The following KRT38 variants were observed in gnomAD, a reference collection of about 807,000 sequenced individuals.
KRT38 encodes the protein keratin 38.
Under a neutral mutation model 43.1 loss-of-function variants are expected in KRT38, and 45 were observed. The observed-to-expected ratio is 1.04, with a 90% CI of 0.82 to 1.34. The LOEUF (loss-of-function observed/expected upper bound fraction) is 1.34. Among genes scored for constraint, KRT38 ranks in the 40% most tolerant of loss-of-function variants. The probability of loss-of-function intolerance (pLI) is 0.00; values close to 1 mark genes in which losing one functional copy is unlikely to be tolerated. For missense variants in KRT38, 627 were observed against 586.2 expected, an observed-to-expected ratio of 1.07 and a Z score of -0.72; for synonymous variants, 258 against 244.0, an observed-to-expected ratio of 1.06 and a Z score of -0.53.
chr17:41,437,392 C>T lies in KRT38; in HGVS notation c.*20G>A. Reference sequence around the variant, plus strand: ...TTGGGTATCCCTCGCCTTAGCCAGCCCCTGTGGGTCCACAGGAATTCAGAA... The same window carrying T: ...TTGGGTATCCCTCGCCTTAGCCAGCTCCTGTGGGTCCACAGGAATTCAGAA... On this transcript the variant is annotated 3_prime_UTR_variant, in exon 7 of 7. Coordinates refer to ENST00000246646, the MANE Select transcript of KRT38 (RefSeq NM_006771.4). 1 of 1,531,992 alleles carries T rather than the reference C, an allele frequency of 6.5e-7. No homozygotes were observed. The highest frequency in any genetic ancestry group is 8.7e-7 in the Non-Finnish European group (1 of 1,146,140). 94.9% of individuals were successfully genotyped at this position (1,531,992 alleles called of 1,614,324 possible).
rs1344468564 is a variant in KRT38, at chr17:41,440,214, C to G, written c.522G>C (p.Arg174Ser). The change falls in exon 2 of 7, where the codon AGG becomes AGC. Residue 174 changes from arginine (R) to serine (S), a missense_variant. Coordinates refer to ENST00000246646, the MANE Select transcript of KRT38 (RefSeq NM_006771.4). ...KILCSKAENA[R>S]LIVQIDNAKL... ...TGGCATTGTCAATTTGTACAATCAGCCTGGCATTCTCGGCCTTGCTGCACA... is the reference window on the plus strand; with the variant it reads ...TGGCATTGTCAATTTGTACAATCAGGCTGGCATTCTCGGCCTTGCTGCACA... 1 of 1,614,208 alleles carries G rather than the reference C, an allele frequency of 6.2e-7. No homozygotes were observed. Among genetic ancestry groups the G allele is most frequent in the Non-Finnish European group, 8.5e-7 (1 of 1,180,040 alleles).
intron 6 of KRT38, 36 bp from the exon 7 acceptor site, chr17:41,437,577 G>A (rs1481695063): frequency 1.3e-6 from 2 of 1,540,458 alleles, no homozygotes; most frequent in Non-Finnish European, 1.7e-6. Context: ...TGAGAGGCAA[G>A]AAATGAATGG....
chr17:41,438,446 A>G (rs2018755465), intron 5 of KRT38, 45 bp downstream of exon 5: 6 of 1,613,888 alleles, frequency 3.7e-6, no homozygotes, highest in Non-Finnish European at 4.2e-6. Context: ...CTACTAGGCC[A>G]TGGCACGGGG....
chr17:41,439,323 C>T lies in KRT38; in HGVS notation c.612G>A (p.Glu204=). 6.2e-7 allele frequency: 1 copy of T among 1,614,190 alleles called. No homozygotes were observed. The highest frequency in any genetic ancestry group is 8.5e-7 in the Non-Finnish European group (1 of 1,180,034). The change falls in exon 3 of 7, where the codon GAG becomes GAA. Residue 204 remains glutamate, a synonymous_variant. Transcript: ENST00000246646. ...GCTTCTGTGTCCCACACTTGTCTGC[C>T]TCCACCAGCTGGCGCAGGGAGCGCT... The part of the protein sequence containing the change: ...ESERSLRQLV[E]ADKCGTQKLL...
chr17:41,440,714 G>A lies in KRT38; in HGVS notation c.208C>T (p.Pro70Ser), dbSNP rs751992904. Residue 70 changes from proline to serine, a missense_variant, in exon 1 of 7, where the codon CCG becomes TCG. Pro to Ser is a moderately conservative substitution (Grantham distance 74, BLOSUM62 -1). Coordinates refer to ENST00000246646, the MANE Select transcript of KRT38 (RefSeq NM_006771.4). The stretch of plus-strand genomic sequence containing the variant: ...GGACAAGCAGTGTGGCAGGTAGGCG[G>A]CAGACAGAGGCTGGGGCGGCCCAGG... Reference protein sequence around the residue: ...TPLGRPSLCLPPTCHTACPLP... With the variant: ...TPLGRPSLCLSPTCHTACPLP... 4.3e-6 allele frequency: 7 copies of A among 1,614,094 alleles called. No homozygotes were observed. The highest frequency in any genetic ancestry group is 3.3e-5 in the South Asian group (3 of 91,092).
intron 5 of KRT38, 30 bp downstream of exon 5, chr17:41,438,461 T>C (rs760172096): frequency 6.2e-7 from 1 of 1,614,170 alleles, no homozygotes. Context: ...ACGGGGCATT[T>C]GCAGTGCAGT....
chr17:41,437,608 G>T, intron 6 of KRT38, 67 bp from the exon 7 acceptor site: 1 of 1,487,994 alleles, frequency 6.7e-7, no homozygotes, highest in Non-Finnish European at 8.9e-7. Flanking sequence ...CCATGTGGGG[G>T]CATGAGGAAG....
rs1597731221 is a variant in KRT38, at chr17:41,436,531, A to T, written c.*881T>A. ...GGAAGGTAGAGAGTATGAAGAGAAG[A>T]GGTGGAAGCACATCATACTTAGCAA... On this transcript the variant is annotated 3_prime_UTR_variant, in exon 7 of 7. Transcript: ENST00000246646. 1 of 152,330 alleles carries T rather than the reference A, an allele frequency of 6.6e-6. No individual in the cohort carries two copies. The highest frequency in any genetic ancestry group is 1.9e-4 in the East Asian group (1 of 5,178). 9.4% of individuals were successfully genotyped at this position (152,330 alleles called of 1,614,324 possible).
rs2018730456 is a variant in KRT38, at chr17:41,436,795, A to G, written c.*617T>C. The G allele has an allele frequency of 6.6e-6, 1 of 152,230 alleles. No homozygotes were observed. Among genetic ancestry groups the G allele is most frequent in the African/African-American group, 2.4e-5 (1 of 41,474 alleles). 9.4% of individuals were successfully genotyped at this position (152,230 alleles called of 1,614,324 possible). A position where few individuals can be genotyped will look rare whatever the true frequency, so the allele number is the denominator to read the frequency against. On this transcript the variant is annotated 3_prime_UTR_variant, in exon 7 of 7. Coordinates refer to ENST00000246646, the MANE Select transcript of KRT38 (RefSeq NM_006771.4). ...GTAAGAGGCTGTGTTGCCACAGAAAAGGCAAGCCTGGTCCTTTGTCAAAGC... is the reference window on the plus strand; with the variant it reads ...GTAAGAGGCTGTGTTGCCACAGAAAGGGCAAGCCTGGTCCTTTGTCAAAGC...
In KRT38 at chr17:41,436,233, C is replaced by G. The variant is rs191085560; in HGVS notation, c.*1179G>C. Among the ~76,000 whole-genome samples the G allele has an allele frequency of 2.6e-5, 4 of 152,086 alleles. No individual in the cohort carries two copies. Among genetic ancestry groups the G allele is most frequent in the Non-Finnish European group, 4.4e-5 (3 of 68,018 alleles). On this transcript the variant is annotated 3_prime_UTR_variant, in exon 7 of 7. Transcript: ENST00000246646. ...TAGGCTCTGGGGATGCAGCAATGAACAATTGTTAATCTTGGGTAAGCATTT... is the reference window on the plus strand; with the variant it reads ...TAGGCTCTGGGGATGCAGCAATGAAGAATTGTTAATCTTGGGTAAGCATTT...
rs1321551512 is a variant in KRT38 at position 41,438,131 on chromosome 17, A to G, written c.1203T>C (p.Ile401=). ...TTTCCAGAAGGTTCCGGTACGTGGC[A>G]ATCTCATTCTCCAGCCGGGTCTTCA... is the stretch of plus-strand genomic sequence containing the variant. ...LDVKTRLENE[I]ATYRNLLESE... The change falls in exon 6 of 7, where the codon ATT becomes ATC. Residue 401 remains isoleucine, a synonymous_variant. Coordinates refer to ENST00000246646, the MANE Select transcript of KRT38 (RefSeq NM_006771.4). 3 of 1,614,072 alleles carry G rather than the reference A, an allele frequency of 1.9e-6. No homozygotes were observed. In the Admixed American group the frequency reaches 5.0e-5, roughly 27 times the overall value.
Position 41,437,421 on chromosome 17 carries a change from G to T in KRT38, c.1362C>A (p.Ser454Arg). 6.4e-7 allele frequency: 1 copy of T among 1,566,458 alleles called. No homozygotes were observed. Among genetic ancestry groups the T allele is most frequent in the East Asian group, 2.4e-5 (1 of 40,940 alleles). Residue 454 changes from serine to arginine, a missense_variant, in exon 7 of 7, where the codon AGC (serine) becomes AGA (arginine). Coordinates refer to ENST00000246646, the MANE Select transcript of KRT38 (RefSeq NM_006771.4). ...GTGGGTCCACAGGAATTCAGAATCG[G>T]CTTCCGGTGGTGCTGGCTCCACAGG... ...GPTCGASTTGSRF is the reference protein window; with the variant it reads ...GPTCGASTTGRRF
In KRT38 at chr17:41,440,421, A is replaced by T. The variant is rs1277055402; in HGVS notation, c.492+9T>A. ...AGACCCAGCACACCCAAGCGATCCC[A>T]CACCTCACCTTCTGTTGGAGCTCCT... On this transcript the variant is annotated intron_variant, in intron 1 of 6. Transcript: ENST00000246646. 1 of 1,611,920 alleles carries T rather than the reference A, an allele frequency of 6.2e-7. No individual in the cohort carries two copies. The highest frequency in any genetic ancestry group is 1.7e-5 in the Admixed American group (1 of 59,984).
rs1477936734 is a variant in KRT38 at position 41,438,759 on chromosome 17, C to A, written c.832G>T (p.Ala278Ser). 1.1e-5 allele frequency: 18 copies of A among 1,614,052 alleles called. No individual in the cohort carries two copies. Among genetic ancestry groups the A allele is most frequent in the Non-Finnish European group, 1.5e-5 (18 of 1,180,028 alleles). ...DLNRVLGEMRAQYEAMLETNR... is the reference protein window; with the variant it reads ...DLNRVLGEMRSQYEAMLETNR... ...GTCTCCAACATGGCCTCATACTGAG[C>A]CCGCATCTCCCCCAGCACCCTGTTC... Residue 278 changes from alanine to serine, a missense_variant, in exon 4 of 7, where the codon GCT becomes TCT. By Grantham distance (99) the Ala-to-Ser change is moderately conservative (BLOSUM62 1). Transcript: ENST00000246646.
chr17:41,436,727 C>A lies in KRT38; in HGVS notation c.*685G>T, dbSNP rs1019792371. ...AGAAAAAAGAGAGAAATTTCTTAAT[C>A]TGAAAGTTCCTTTCACATAGCAAGA... On this transcript the variant is annotated 3_prime_UTR_variant, in exon 7 of 7. Transcript: ENST00000246646. 2.0e-5 allele frequency: 3 copies of A among 152,178 alleles called. No individual in the cohort carries two copies. Among genetic ancestry groups the A allele is most frequent in the Admixed American group, 1.3e-4 (2 of 15,274 alleles). 9.4% of individuals were successfully genotyped at this position (152,178 alleles called of 1,614,324 possible).
Position 41,438,157 on chromosome 17 carries a change from C to T in KRT38, c.1177G>A (p.Val393Met), listed in dbSNP as rs564375775. 29 of 1,614,164 alleles carry T rather than the reference C, an allele frequency of 1.8e-5. No homozygotes were observed. The highest frequency in any genetic ancestry group is 1.2e-4 in the African/African-American group (9 of 75,030). Residue 393 changes from valine (V) to methionine (M), a missense_variant, in exon 6 of 7, where the codon GTG (valine) becomes ATG (methionine). Transcript: ENST00000246646. ...ATCTCATTCTCCAGCCGGGTCTTCA[C>T]GTCCAGCAGCACCTGGTACTCCTGG... is the stretch of plus-strand genomic sequence containing the variant. Reference protein sequence around the residue: ...QNQEYQVLLDVKTRLENEIAT... With the variant: ...QNQEYQVLLDMKTRLENEIAT...
chr17:41,439,376 T>C lies in KRT38; in HGVS notation c.576-17A>G, dbSNP rs770874623. 5.0e-6 allele frequency: 8 copies of C among 1,611,680 alleles called. No homozygotes were observed. The highest frequency in any genetic ancestry group is 2.2e-5 in the South Asian group (2 of 90,936). On this transcript the variant is annotated splice_polypyrimidine_tract_variant and intron_variant, in intron 2 of 6. Coordinates refer to ENST00000246646, the MANE Select transcript of KRT38 (RefSeq NM_006771.4). The stretch of plus-strand genomic sequence containing the variant: ...CTCTCCAGCCTTTCATCACAGGAGG[T>C]ACAGGGTCAAAAAGAATGCCCCCAA...
rs771242795 is a variant in KRT38, at chr17:41,438,089, G to C, written c.1241+4C>G. On this transcript the variant is annotated splice_donor_region_variant and intron_variant, in intron 6 of 6. Coordinates refer to ENST00000246646, the MANE Select transcript of KRT38 (RefSeq NM_006771.4). ...TGGCCAGGAATTGCCCAGATCACAC[G>C]TACTTGCAGTCCTCGCTTTCCAGAA... The C allele has an allele frequency of 6.2e-7, 1 of 1,613,820 alleles. No individual in the cohort carries two copies. The highest frequency in any genetic ancestry group is 8.5e-7 in the Non-Finnish European group (1 of 1,179,832).
intron 3 of KRT38, 82 bp downstream of exon 3, chr17:41,439,121 C>G: frequency 6.6e-7 from 1 of 1,503,976 alleles, no homozygotes; most frequent in Non-Finnish European, 8.9e-7. Flanking sequence ...TGAGGCCAGG[C>G]AATGCTCTGA....
Sources: allele counts gnomAD v4.1 joint callset (sites outside exome capture counted in the v4.1 genomes callset), GRCh38; gene constraint gnomAD v4.1.1; transcripts MANE v1.5; gene names NCBI Gene and HGNC (gene_info 2026-07-23, HGNC 2026-07-21).